ASIC2: variants seen among roughly 807,000 people sequenced by gnomAD.
The protein encoded by ASIC2 is acid-sensing ion channel 2.
ASIC2 carries 25 observed loss-of-function variants against 57.3 expected under a neutral mutation model. The ratio of observed to expected loss-of-function variants is 0.44; its 90% CI spans 0.32 to 0.61. The LOEUF (loss-of-function observed/expected upper bound fraction) is 0.61, where lower values mean the gene tolerates loss of function less well. Among genes scored for constraint, ASIC2 ranks in the 20% least tolerant of loss-of-function variants. The probability of loss-of-function intolerance (pLI) is 0.06; values close to 1 mark genes in which losing one functional copy is unlikely to be tolerated. For synonymous variants in ASIC2, 319 were observed against 307.5 expected (o/e 1.04, Z -0.39); for missense variants, 641 against 738.1 (o/e 0.87, Z 1.52).
chr17:33,883,652 A>C (rs1271470397), intron 1 of ASIC2, among the ~76,000 whole-genome samples: 1 of 152,098 alleles, frequency 6.6e-6, no homozygotes, highest in East Asian at 1.9e-4. Flanking sequence ...CCATCTCCTC[A>C]TGAACGGCCC....
At chr17:33,531,359 C>G (rs900248376) in intron 1 of ASIC2, among the ~76,000 whole-genome samples, 1 of 152,052 alleles carries the variant, frequency 6.6e-6, no homozygotes, top group African/African-American at 2.4e-5. Flanking sequence ...TTATCTGTAC[C>G]GACCTGACAT....
intron 1 of ASIC2, among the ~76,000 whole-genome samples, chr17:34,029,374 C>T (rs1379325808): frequency 2.2e-5 from 2 of 92,408 alleles, no homozygotes; most frequent in Non-Finnish European, 4.0e-5. Flanking sequence ...AGTGCTAAAA[C>T]CAAAAAAAAA....
At chr17:33,885,576 G>A (rs1174527879) in intron 1 of ASIC2, among the ~76,000 whole-genome samples, 1 of 152,190 alleles carries the variant, frequency 6.6e-6, no homozygotes, top group East Asian at 1.9e-4. Flanking sequence ...ATGACATACA[G>A]TAAGTTATGT....
intron 1 of ASIC2, among the ~76,000 whole-genome samples, chr17:34,099,986 C>T (rs1910801154): frequency 6.6e-6 from 1 of 152,060 alleles, no homozygotes; most frequent in Admixed American, 6.5e-5. Flanking sequence ...ATGATATTTG[C>T]TAATGGATCC....
intron 1 of ASIC2, among the ~76,000 whole-genome samples, chr17:33,882,453 T>A (rs1012503707): frequency 6.6e-6 from 1 of 152,108 alleles, no homozygotes; most frequent in Non-Finnish European, 1.5e-5. Context: ...GGGCGAAGGA[T>A]ATGAACAGAC....
chr17:33,579,874 G>A (rs1007980798), intron 1 of ASIC2, among the ~76,000 whole-genome samples: 4 of 152,078 alleles, frequency 2.6e-5, no homozygotes, highest in African/African-American at 9.7e-5. Context: ...CCCACATCCT[G>A]CTTATTGGTC....
intron 1 of ASIC2, among the ~76,000 whole-genome samples, chr17:34,136,076 C>G (rs1028976791): frequency 2.0e-5 from 3 of 152,088 alleles, no homozygotes; most frequent in Admixed American, 1.3e-4. Context: ...CCTAGTTATA[C>G]CCTCCTCCTT....
chr17:33,233,452 C>T (rs1016972712), intron 1 of ASIC2, among the ~76,000 whole-genome samples: 5 of 151,844 alleles, frequency 3.3e-5, no homozygotes, highest in African/African-American at 1.2e-4. Context: ...AATTCACATA[C>T]ACACGAACTC....
At chr17:33,263,907 T>A (rs1394618743) in intron 1 of ASIC2, among the ~76,000 whole-genome samples, 1 of 151,946 alleles carries the variant, frequency 6.6e-6, no homozygotes, top group African/African-American at 2.4e-5. Context: ...TATCAATAGG[T>A]CCCCAAGTCG....
intron 1 of ASIC2, among the ~76,000 whole-genome samples, chr17:33,284,908 C>T (rs754071173): frequency 5.9e-5 from 9 of 152,158 alleles, no homozygotes; most frequent in South Asian, 2.1e-4. Flanking sequence ...TCAGTCACTC[C>T]GATGAGGCAC....
At chr17:33,278,290 C>A (rs1335748825) in intron 1 of ASIC2, among the ~76,000 whole-genome samples, 1 of 151,372 alleles carries the variant, frequency 6.6e-6, no homozygotes, top group African/African-American at 2.4e-5. Context: ...TGCTCCTTTA[C>A]CCCCCAACAT....
intron 3 of ASIC2, among the ~76,000 whole-genome samples, chr17:33,065,060 CCCAG>C (rs1418823071): frequency 1.3e-5 from 2 of 151,618 alleles, no homozygotes; most frequent in Non-Finnish European, 2.9e-5. Flanking sequence ...TGTCAGGTTC[CCCAG>C]CTGGGAAATG....
intron 1 of ASIC2, among the ~76,000 whole-genome samples, chr17:33,288,136 G>T: frequency 6.6e-6 from 1 of 152,260 alleles, no homozygotes. Flanking sequence ...GACAGGCACA[G>T]TCTAACAGGT....
At chr17:33,457,668 G>C (rs1039431316) in intron 1 of ASIC2, among the ~76,000 whole-genome samples, 1 of 152,206 alleles carries the variant, frequency 6.6e-6, no homozygotes, top group African/African-American at 2.4e-5. Context: ...GGCAATGGTG[G>C]TGGTGGTGAC....
rs556403574 is a variant in ASIC2 at position 33,304,305 on chromosome 17, T to C, written c.556-192238A>G. Among the ~76,000 whole-genome samples, 15 of 152,350 alleles carry C rather than the reference T, an allele frequency of 9.8e-5. No homozygotes were observed. In the South Asian group the frequency reaches 3.1e-3, roughly 32 times the overall value. ...CATGAACAATGGTCAGAAGAGAATTTAGGCGAGACAGGGTTTAGTTACAAA... is the reference window on the plus strand; with the variant it reads ...CATGAACAATGGTCAGAAGAGAATTCAGGCGAGACAGGGTTTAGTTACAAA... On this transcript the variant is annotated intron_variant, in intron 1 of 9. Coordinates refer to the ASIC2 transcript ENST00000359872.
At chr17:33,579,982 T>G (rs1904372147) in intron 1 of ASIC2, 1 of 152,158 alleles carries the variant, frequency 6.6e-6, no homozygotes, top group African/African-American at 2.4e-5. Context: ...CTGATTGGTA[T>G]GTTTACAAAC....
intron 1 of ASIC2, among the ~76,000 whole-genome samples, chr17:34,124,798 G>A (rs1040643884): frequency 2.0e-5 from 3 of 151,906 alleles, no homozygotes; most frequent in African/African-American, 7.3e-5. Context: ...TGACGCTAAT[G>A]CCGTCATGGG....
chr17:34,036,889 T>C (rs1201433246), intron 1 of ASIC2: 1 of 152,484 alleles, frequency 6.6e-6, no homozygotes, highest in East Asian at 1.9e-4. Flanking sequence ...CACTCAATTT[T>C]TTCCCTACTG....
At chr17:33,347,608 G>A (rs1378331745) in intron 1 of ASIC2, among the ~76,000 whole-genome samples, 1 of 152,168 alleles carries the variant, frequency 6.6e-6, no homozygotes, top group Non-Finnish European at 1.5e-5. Flanking sequence ...GGGGTGAGAT[G>A]TATAGGATCA....
Sources: gnomAD v4.1 joint callset for allele counts (sites outside exome capture counted in the v4.1 genomes callset) on GRCh38, gnomAD v4.1.1 for gene constraint, MANE v1.5 for transcripts, NCBI Gene and HGNC (gene_info 2026-07-23, HGNC 2026-07-21) for gene names.